The following HS6ST3 variants were observed in gnomAD, a reference collection of about 807,000 sequenced individuals.
HS6ST3 encodes heparan sulfate 6-O-sulfotransferase 3.
Under a neutral mutation model 36.7 loss-of-function variants are expected in HS6ST3, and 12 were observed. The ratio of observed to expected loss-of-function variants is 0.33; its 90% CI spans 0.21 to 0.53. The LOEUF (loss-of-function observed/expected upper bound fraction) is 0.53, where lower values mean the gene tolerates loss of function less well. Ranked by LOEUF, HS6ST3 falls within the 20% of genes least tolerant of loss-of-function variation. The pLI, the probability that HS6ST3 is intolerant of heterozygous loss-of-function variation, is 0.95. For missense variants in HS6ST3, 584 were observed against 640.9 expected (o/e 0.91, Z 0.96); for synonymous variants, 240 against 257.5 (o/e 0.93, Z 0.65).
chr13:96,381,309 G>T (rs956800460), intron 1 of HS6ST3, among the ~76,000 whole-genome samples: 7 of 152,016 alleles, frequency 4.6e-5, no homozygotes, highest in Admixed American at 4.6e-4. Flanking sequence ...TTTGCACCTG[G>T]TGAAGATTGT....
At chr13:96,191,629 A>G (rs2054288918) in intron 1 of HS6ST3, among the ~76,000 whole-genome samples, 1 of 151,636 alleles carries the variant, frequency 6.6e-6, no homozygotes, top group African/African-American at 2.4e-5. Context: ...ATCACTCCAT[A>G]TTTTACTTAT....
In HS6ST3 at chr13:96,339,584, G is replaced by T. The variant is rs143942482; in HGVS notation, c.707+248015G>T. On this transcript the variant is annotated intron_variant, in intron 1 of 1. Transcript: ENST00000376705. ...CCAGGAGCCTATGTCAGGGAGAGGA[G>T]CCCCCAGTATCAAAGACTATCAAGC... 1.1e-3 allele frequency among the ~76,000 whole-genome samples: 169 copies of T among 152,276 alleles called. 1 individual carries two copies. Among genetic ancestry groups the T allele is most frequent in the African/African-American group, 3.8e-3 (156 of 41,562 alleles).
chr13:96,629,008 C>T (rs1185969645), intron 1 of HS6ST3, among the ~76,000 whole-genome samples: 1 of 151,936 alleles, frequency 6.6e-6, no homozygotes, highest in African/African-American at 2.4e-5. Context: ...TCTGTCATGT[C>T]TTGTTTTTAA....
chr13:96,475,612 C>CAAAAA (rs1251970502), intron 1 of HS6ST3, among the ~76,000 whole-genome samples: 23 of 91,220 alleles, frequency 2.5e-4, no homozygotes, highest in Middle Eastern at 7.0e-3. Context: ...GGAGTACTAC[C>CAAAAA]AAAAAAAAAA....
At chr13:96,709,275 A>G (rs751461801) in intron 1 of HS6ST3, among the ~76,000 whole-genome samples, 5 of 152,154 alleles carry the variant, frequency 3.3e-5, no homozygotes, top group Admixed American at 6.5e-5. Flanking sequence ...TGAGTCAATT[A>G]CACCTCTTTT....
At chr13:96,360,646 C>CAAAA (rs5805964) in intron 1 of HS6ST3, among the ~76,000 whole-genome samples, 2 of 134,370 alleles carry the variant, frequency 1.5e-5, no homozygotes, top group Admixed American at 7.7e-5. Context: ...TTTGTATTAT[C>CAAAA]AAAAAAAAAA....
intron 1 of HS6ST3, among the ~76,000 whole-genome samples, chr13:96,568,423 C>T (rs987340405): frequency 3.9e-5 from 6 of 152,124 alleles, no homozygotes; most frequent in East Asian, 1.9e-4. Flanking sequence ...TGCACCACCA[C>T]GGCTGGCTAA....
intron 1 of HS6ST3, among the ~76,000 whole-genome samples, chr13:96,779,099 C>T (rs1035953411): frequency 6.6e-6 from 1 of 151,970 alleles, no homozygotes; most frequent in Non-Finnish European, 1.5e-5. Flanking sequence ...TGTTCTCACT[C>T]ATAAGTGGGA....
chr13:96,175,028 A>G (rs1169420545), intron 1 of HS6ST3, among the ~76,000 whole-genome samples: 1 of 152,126 alleles, frequency 6.6e-6, no homozygotes, highest in African/African-American at 2.4e-5. Context: ...AGTGAAATGT[A>G]TTCTTGGATT....
rs903601513 is a variant in HS6ST3 at position 96,115,309 on chromosome 13, C to T, written c.707+23740C>T. Among the ~76,000 whole-genome samples the T allele has an allele frequency of 4.6e-5, 7 of 152,136 alleles. 1 individual carries two copies. The South Asian group carries it at 6.2e-4, about 13-fold the overall frequency. ...GTTTTACTTTAAGTTTCGGGATACA[C>T]GTACAGAATGTACAGGTTTGTTACA... On this transcript the variant is annotated intron_variant, in intron 1 of 1. Coordinates refer to ENST00000376705, the MANE Select transcript of HS6ST3 (RefSeq NM_153456.4).
intron 1 of HS6ST3, among the ~76,000 whole-genome samples, chr13:96,395,029 AG>A (rs1167008993): frequency 6.6e-6 from 1 of 152,140 alleles, no homozygotes; most frequent in East Asian, 1.9e-4. Flanking sequence ...CTTTCTATTA[AG>A]GCTTCATTTG....
chr13:96,329,159 C>G (rs11620495), intron 1 of HS6ST3, among the ~76,000 whole-genome samples: 47,711 of 135,554 alleles, frequency 0.35, 8,810 homozygotes, highest in African/African-American at 0.42. Context: ...TTTTTTGAAG[C>G]GTTTTTTGTG....
At chr13:96,738,330 T>C (rs1398226785) in intron 1 of HS6ST3, among the ~76,000 whole-genome samples, 1 of 152,042 alleles carries the variant, frequency 6.6e-6, no homozygotes, top group Non-Finnish European at 1.5e-5. Flanking sequence ...AGGATGATTG[T>C]ATGTACAAGG....
intron 1 of HS6ST3, among the ~76,000 whole-genome samples, chr13:96,183,689 C>G (rs368796653): frequency 1.3e-5 from 2 of 152,008 alleles, no homozygotes; most frequent in Admixed American, 1.3e-4. Flanking sequence ...AGACAGATAC[C>G]GAATGATTCC....
intron 1 of HS6ST3, among the ~76,000 whole-genome samples, chr13:96,204,041 A>G (rs548144153): frequency 6.5e-4 from 99 of 152,292 alleles, no homozygotes; most frequent in Non-Finnish European, 1.3e-3. Context: ...CATACTATAA[A>G]CTGTTATGTG....
At chr13:96,753,469 G>A (rs1050288630) in intron 1 of HS6ST3, among the ~76,000 whole-genome samples, 1 of 151,876 alleles carries the variant, frequency 6.6e-6, no homozygotes, top group African/African-American at 2.4e-5. Context: ...TATTTCTGTT[G>A]TTATTTTAAA....
chr13:96,316,658 C>T (rs972367259), intron 1 of HS6ST3, among the ~76,000 whole-genome samples: 3 of 152,158 alleles, frequency 2.0e-5, no homozygotes, highest in African/African-American at 7.2e-5. Context: ...AGTTTTATTT[C>T]AATTATAATA....
At chr13:96,585,390 A>G (rs1381729294) in intron 1 of HS6ST3, among the ~76,000 whole-genome samples, 3 of 152,198 alleles carry the variant, frequency 2.0e-5, no homozygotes, top group African/African-American at 7.2e-5. Context: ...ACTGAGCAAA[A>G]TATGATATTT....
intron 1 of HS6ST3, among the ~76,000 whole-genome samples, chr13:96,790,123 C>T (rs557773267): frequency 9.2e-5 from 14 of 151,854 alleles, no homozygotes; most frequent in Non-Finnish European, 1.9e-4. Context: ...TCTTAGATTG[C>T]ATACTTATTA....
Sources: gnomAD v4.1 joint callset for allele counts (sites outside exome capture counted in the v4.1 genomes callset) on GRCh38, gnomAD v4.1.1 for gene constraint, MANE v1.5 for transcripts, NCBI Gene and HGNC (gene_info 2026-07-23, HGNC 2026-07-21) for gene names.